Variants in KLHL13 observed in about 807,000 individuals in gnomAD.
KLHL13 encodes kelch-like protein 13.
A neutral mutation model predicts 37.1 loss-of-function variants in KLHL13; 10 were observed. The observed-to-expected ratio is 0.27, with a 90% CI of 0.17 to 0.46. The LOEUF is 0.46. Among genes scored for constraint, KLHL13 ranks in the 20% least tolerant of loss-of-function variants. KLHL13 has a pLI of 1.00. For synonymous variants in KLHL13, 163 were observed against 181.2 expected (o/e 0.90, Z 0.81); for missense variants, 360 against 509.3 (o/e 0.71, Z 2.82).
intron 1 of KLHL13, among the ~76,000 whole-genome samples, chrX:118,080,469 A>T (rs897668858): frequency 9.0e-6 from 1 of 111,636 alleles, no homozygotes; most frequent in Admixed American, 9.6e-5. Context: ...ATGAACAGAC[A>T]TTTCTCAAAA....
intron 2 of KLHL13, among the ~76,000 whole-genome samples, chrX:117,927,942 A>G (rs1209673720): frequency 8.9e-6 from 1 of 111,907 alleles, no homozygotes; most frequent in African/African-American, 3.2e-5. Context: ...AAACTCATAA[A>G]AGTATGTACT....
intron 1 of KLHL13, among the ~76,000 whole-genome samples, chrX:118,055,911 T>G (rs141007274): frequency 1.1e-3 from 122 of 112,058 alleles, no homozygotes; most frequent in African/African-American, 2.3e-3. Flanking sequence ...AGAAGCTCTA[T>G]CCAGGGAAAT....
At chrX:118,108,841 C>T (rs1048045718) in intron 1 of KLHL13, among the ~76,000 whole-genome samples, 5 of 110,941 alleles carry the variant, frequency 4.5e-5, no homozygotes, top group African/African-American at 1.6e-4. Context: ...GGGTCTCACT[C>T]CGTCACCCAG....
At chrX:117,994,450 C>CTATGT (rs752543931) in intron 1 of KLHL13, among the ~76,000 whole-genome samples, 1 of 110,601 alleles carries the variant, frequency 9.0e-6, no homozygotes, top group Non-Finnish European at 1.9e-5. Context: ...TGGGGTCTCG[C>CTATGT]TATGTTGCCC....
intron 1 of KLHL13, among the ~76,000 whole-genome samples, chrX:117,956,491 A>T (rs1379773507): frequency 8.9e-6 from 1 of 112,125 alleles, no homozygotes; most frequent in Non-Finnish European, 1.9e-5. Flanking sequence ...TTTAAATGGG[A>T]ATTTTAAATT....
At chrX:118,000,595 T>C in intron 1 of KLHL13, among the ~76,000 whole-genome samples, 1 of 111,107 alleles carries the variant, frequency 9.0e-6, no homozygotes, top group East Asian at 2.8e-4. Flanking sequence ...TCAACTTTAT[T>C]TTACAAAGTA....
At chrX:118,061,838 A>C (rs2054745778) in intron 1 of KLHL13, among the ~76,000 whole-genome samples, 1 of 111,754 alleles carries the variant, frequency 8.9e-6, no homozygotes. Flanking sequence ...AAAAGAATAA[A>C]AATTACTTAA....
chrX:118,116,479 GC>G (rs1470139815), intron 1 of KLHL13, 28 bp downstream of exon 1: 1 of 113,157 alleles, frequency 8.8e-6, no homozygotes, highest in Non-Finnish European at 1.9e-5. Flanking sequence ...GGCTGCTGGA[GC>G]CCCTGTGACT....
At chrX:118,115,465 A>G (rs772687330) in intron 1 of KLHL13, among the ~76,000 whole-genome samples, 3 of 112,632 alleles carry the variant, frequency 2.7e-5, no homozygotes, top group South Asian at 7.3e-4. Context: ...CAAACATGAA[A>G]TCTACTGTTA....
At chrX:118,022,066 C>G (rs1036174065) in intron 1 of KLHL13, among the ~76,000 whole-genome samples, 1 of 112,006 alleles carries the variant, frequency 8.9e-6, no homozygotes, top group African/African-American at 3.3e-5. Flanking sequence ...ATCCTTCACC[C>G]ACTTTTGATG....
intron 1 of KLHL13, among the ~76,000 whole-genome samples, chrX:118,021,759 A>G (rs1172876406): frequency 4.5e-5 from 5 of 111,205 alleles, no homozygotes; most frequent in African/African-American, 1.7e-4. Flanking sequence ...ACCCAGTAAT[A>G]GGATGGCTGG....
chrX:117,964,683 C>T (rs373957206), intron 1 of KLHL13, among the ~76,000 whole-genome samples: 12 of 111,434 alleles, frequency 1.1e-4, no homozygotes, highest in Non-Finnish European at 2.3e-4. Context: ...GTGTGCTGCA[C>T]CCATTAACTC....
chrX:118,037,562 G>A (rs1402830190), intron 1 of KLHL13, among the ~76,000 whole-genome samples: 1 of 105,897 alleles, frequency 9.4e-6, no homozygotes, highest in African/African-American at 3.5e-5. Context: ...CATGGACACA[G>A]GAAGGGGAAC....
chrX:117,908,670 G>A (rs1461759593), intron 5 of KLHL13, among the ~76,000 whole-genome samples: 1 of 111,383 alleles, frequency 9.0e-6, no homozygotes, highest in Non-Finnish European at 1.9e-5. Context: ...TTTATACTGG[G>A]AAGACAAAAA....
chrX:117,995,970 G>A (rs1006317379), intron 1 of KLHL13, among the ~76,000 whole-genome samples: 2 of 111,547 alleles, frequency 1.8e-5, no homozygotes, highest in Non-Finnish European at 3.8e-5. Context: ...CTGCACATGG[G>A]TGTACATTTG....
intron 1 of KLHL13, among the ~76,000 whole-genome samples, chrX:118,069,710 T>G (rs2054836344): frequency 1.8e-5 from 2 of 111,747 alleles, no homozygotes; most frequent in African/African-American, 6.5e-5. Context: ...GCAAAAAGTT[T>G]TAAAAAATTA....
At chrX:117,916,073 G>A (rs1045061782) in intron 4 of KLHL13, among the ~76,000 whole-genome samples, 3 of 111,192 alleles carry the variant, frequency 2.7e-5, no homozygotes, top group Non-Finnish European at 5.7e-5. Flanking sequence ...CAGGATAATC[G>A]CTTGAACCTG....
chrX:117,971,495 C>A (rs1569429879), intron 1 of KLHL13, among the ~76,000 whole-genome samples: 1 of 98,294 alleles, frequency 1.0e-5, no homozygotes, highest in East Asian at 2.8e-4. Flanking sequence ...TACAAACTAG[C>A]CTATTTTTTT....
intron 2 of KLHL13, among the ~76,000 whole-genome samples, chrX:117,922,255 C>T (rs758458714): frequency 2.7e-4 from 30 of 110,714 alleles, no homozygotes; most frequent in African/African-American, 9.2e-4. Context: ...GGCGCGATCT[C>T]GGCATTGATA....
Sources: gnomAD v4.1 joint callset for allele counts (sites outside exome capture counted in the v4.1 genomes callset) on GRCh38, gnomAD v4.1.1 for gene constraint, MANE v1.5 for transcripts, NCBI Gene and HGNC (gene_info 2026-07-23, HGNC 2026-07-21) for gene names.